Variants in RNF216 observed in about 807,000 individuals in gnomAD.
RNF216 encodes ring finger protein 216, also known as E3 ubiquitin-protein ligase RNF216.
RNF216 carries 72 observed loss-of-function variants against 110.8 expected under a neutral mutation model. The observed-to-expected ratio is 0.65, with a 90% CI of 0.54 to 0.79. RNF216 has a LOEUF of 0.79. Among genes scored for constraint, RNF216 ranks in the 30% least tolerant of loss-of-function variants. The pLI is 0.00. For synonymous variants in RNF216, 495 were observed against 407.5 expected (o/e 1.21, Z -2.59); for missense variants, 1,342 against 1,141.2 (o/e 1.18, Z -2.54).
chr7:5,760,213 A>G (rs890856458), intron 2 of RNF216, among the ~76,000 whole-genome samples: 3 of 152,184 alleles, frequency 2.0e-5, no homozygotes, highest in Non-Finnish European at 4.4e-5. Context: ...AAATTCCCCA[A>G]AACTTTAAAA....
rs558960438 is a variant in RNF216 at position 5,725,032 on chromosome 7, T to A, written c.1504+292A>T. ...TCGCATCAAACCTTTGAGACCAGTT[T>A]TTCCCCCCAAGCTTAACAGCACACT... On this transcript the variant is annotated intron_variant, in intron 8 of 16. Coordinates refer to ENST00000389902, the MANE Select transcript of RNF216 (RefSeq NM_207111.4). 2.6e-5 allele frequency among the ~76,000 whole-genome samples: 4 copies of A among 152,300 alleles called. No individual in the cohort carries two copies. The East Asian group carries it at 5.8e-4, about 22-fold the overall frequency.
chr7:5,627,791 C>T (rs1327390091), intron 15 of RNF216, among the ~76,000 whole-genome samples: 2 of 150,980 alleles, frequency 1.3e-5, no homozygotes, highest in Non-Finnish European at 3.0e-5. Context: ...TTCCCTCAGA[C>T]TCTCCCCTGA....
chr7:5,778,005 G>A (rs17135757), intron 1 of RNF216, among the ~76,000 whole-genome samples: 11,750 of 152,240 alleles, frequency 0.077, 541 homozygotes, highest in East Asian at 0.12. Flanking sequence ...AATCTTCTGT[G>A]ACCAAAGGAC....
chr7:5,768,526 G>A (rs1584611524), intron 1 of RNF216, among the ~76,000 whole-genome samples: 1 of 152,094 alleles, frequency 6.6e-6, no homozygotes, highest in Admixed American at 6.6e-5. Context: ...CTTTTCAAGT[G>A]TATGAGAACA....
chr7:5,740,286 C>T (rs1794683432), intron 4 of RNF216, among the ~76,000 whole-genome samples: 1 of 151,822 alleles, frequency 6.6e-6, no homozygotes, highest in South Asian at 2.1e-4. Context: ...GCCACCACGC[C>T]CGGCTAATTT....
At chr7:5,647,328 C>CTT (rs10617479) in intron 14 of RNF216, among the ~76,000 whole-genome samples, 74 of 94,764 alleles carry the variant, frequency 7.8e-4, no homozygotes, top group Non-Finnish European at 1.2e-3. Context: ...TTCTTTCTTT[C>CTT]TTTTTTTTTT....
intron 5 of RNF216, among the ~76,000 whole-genome samples, chr7:5,735,916 G>A (rs1284837581): frequency 1.3e-5 from 2 of 152,120 alleles, no homozygotes. Flanking sequence ...CCAACATAGG[G>A]AAACTGTCTC....
chr7:5,759,464 C>T (rs933860196), intron 2 of RNF216, among the ~76,000 whole-genome samples: 1 of 151,996 alleles, frequency 6.6e-6, no homozygotes, highest in Non-Finnish European at 1.5e-5. Context: ...CTTTCTCTTC[C>T]TTATGATTTT....
intron 4 of RNF216, 116 bp downstream of exon 4, chr7:5,740,857 T>C: frequency 1.1e-6 from 1 of 928,308 alleles, no homozygotes; most frequent in African/African-American, 1.7e-5. Flanking sequence ...GATATATACT[T>C]CTTAGGAAAA....
chr7:5,752,375 A>G (rs1282241298), intron 3 of RNF216, among the ~76,000 whole-genome samples: 5 of 152,184 alleles, frequency 3.3e-5, no homozygotes, highest in Admixed American at 3.3e-4. Flanking sequence ...TCTTGGTTAG[A>G]AAGAGTAGTA....
At chr7:5,668,791 T>G (rs1004645502) in intron 13 of RNF216, among the ~76,000 whole-genome samples, 1 of 152,236 alleles carries the variant, frequency 6.6e-6, no homozygotes, top group Non-Finnish European at 1.5e-5. Context: ...CAGGGCTTCA[T>G]GCCCTTCATT....
At chr7:5,715,243 G>T (rs1038644003) in intron 10 of RNF216, 53 bp from the exon 11 acceptor site, 7 of 1,568,744 alleles carry the variant, frequency 4.5e-6, no homozygotes, top group East Asian at 4.5e-5. Flanking sequence ...AGGAGAGGGG[G>T]AGCCTTGTCT....
chr7:5,772,841 G>T (rs144208347), intron 1 of RNF216, among the ~76,000 whole-genome samples: 2 of 147,148 alleles, frequency 1.4e-5, no homozygotes, highest in African/African-American at 5.0e-5. Flanking sequence ...GCAATGGCAC[G>T]ATCTCGGCTC....
At chr7:5,639,382 T>G (rs1360445374) in intron 15 of RNF216, among the ~76,000 whole-genome samples, 1 of 152,068 alleles carries the variant, frequency 6.6e-6, no homozygotes, top group Non-Finnish European at 1.5e-5. Flanking sequence ...TACTTACACA[T>G]AGAGGAGAAA....
At chr7:5,715,419 T>C (rs1584500202) in intron 10 of RNF216, among the ~76,000 whole-genome samples, 3 of 152,248 alleles carry the variant, frequency 2.0e-5, no homozygotes, top group Non-Finnish European at 1.5e-5. Flanking sequence ...GTGTTTTTTT[T>C]CTGGTATTCT....
At chr7:5,758,505 C>T (rs1795761892) in intron 2 of RNF216, among the ~76,000 whole-genome samples, 1 of 152,150 alleles carries the variant, frequency 6.6e-6, no homozygotes, top group Non-Finnish European at 1.5e-5. Context: ...GATTTTCTTC[C>T]ACTTGTGTCA....
rs1309951192 is a variant in RNF216, at chr7:5,781,631, T to G, written c.-160A>C. 1 of 152,272 alleles carries G rather than the reference T, an allele frequency of 6.6e-6. No homozygotes were observed. The highest frequency in any genetic ancestry group is 1.5e-5 in the Non-Finnish European group (1 of 68,084). 9.4% of individuals were successfully genotyped at this position (152,272 alleles called of 1,614,324 possible). A position where few individuals can be genotyped will look rare whatever the true frequency, so the allele number is the denominator to read the frequency against. ...TCAGAAGCCGCAGCTGCGAGCTCCGTGGCAGCCGCTGCACTCCTTCCGGCC... is the reference window on the plus strand; with the variant it reads ...TCAGAAGCCGCAGCTGCGAGCTCCGGGGCAGCCGCTGCACTCCTTCCGGCC... On this transcript the variant is annotated 5_prime_UTR_variant, in exon 1 of 17. Coordinates refer to ENST00000389902, the MANE Select transcript of RNF216 (RefSeq NM_207111.4).
chr7:5,775,152 C>T (rs61344986), intron 1 of RNF216: 21,276 of 152,054 alleles, frequency 0.14, 1,897 homozygotes, highest in African/African-American at 0.24. Context: ...TTCACCATGG[C>T]CATAGAACCA....
At chr7:5,638,872 T>C (rs1787563586) in intron 15 of RNF216, among the ~76,000 whole-genome samples, 1 of 152,072 alleles carries the variant, frequency 6.6e-6, no homozygotes, top group Non-Finnish European at 1.5e-5. Context: ...AGGATGCAAG[T>C]GATGCTCCTG....
Sources: gnomAD v4.1 joint callset for allele counts (sites outside exome capture counted in the v4.1 genomes callset) on GRCh38, gnomAD v4.1.1 for gene constraint, MANE v1.5 for transcripts, NCBI Gene and HGNC (gene_info 2026-07-23, HGNC 2026-07-21) for gene names.